The following SHISA7 variants were observed in gnomAD, a reference collection of about 807,000 sequenced individuals.
SHISA7 encodes the protein protein shisa-7.
In SHISA7, 6 loss-of-function variants were observed where a neutral mutation model predicts 23.9. The ratio of observed to expected loss-of-function variants is 0.25; its 90% CI spans 0.14 to 0.50. The LOEUF (loss-of-function observed/expected upper bound fraction) is 0.50, where lower values mean the gene tolerates loss of function less well. Ranked by LOEUF, SHISA7 falls within the 20% of genes least tolerant of loss-of-function variation. SHISA7 has a pLI of 0.98. For missense variants in SHISA7, 671 were observed against 801.1 expected (o/e 0.84, Z 1.96); for synonymous variants, 386 against 398.3 (o/e 0.97, Z 0.37).
At chr19:55,434,576 G>GGT (rs1241670006) in intron 3 of SHISA7, among the ~76,000 whole-genome samples, 2 of 101,800 alleles carry the variant, frequency 2.0e-5, no homozygotes, top group East Asian at 3.1e-4. Flanking sequence ...GTGTGTGTAT[G>GGT]GTGTGTGTGT....
In SHISA7 at chr19:55,438,887, C is replaced by T. The variant is rs993011358; in HGVS notation, c.827-1133G>A. Among the ~76,000 whole-genome samples the T allele has an allele frequency of 2.0e-5, 3 of 152,036 alleles. No homozygotes were observed. In the East Asian group the frequency reaches 5.8e-4, roughly 29 times the overall value. Reference sequence around the variant, plus strand: ...TTCTTAGCACCCCCCCCCCTGGTGCCCAGGCTAGAGATCTGAGGGGGTCGC... The same window carrying T: ...TTCTTAGCACCCCCCCCCCTGGTGCTCAGGCTAGAGATCTGAGGGGGTCGC... On this transcript the variant is annotated intron_variant, in intron 2 of 3. Transcript: ENST00000376325.
chr19:55,438,530 C>G (rs898365673), intron 2 of SHISA7: 3 of 1,303,718 alleles, frequency 2.3e-6, no homozygotes, highest in South Asian at 2.5e-5. Flanking sequence ...AGGAGGCCTG[C>G]TCTTTTCCGC....
chr19:55,435,766 T>TA (rs771028711), intron 3 of SHISA7, among the ~76,000 whole-genome samples: 1,551 of 130,426 alleles, frequency 0.012, 18 homozygotes, highest in East Asian at 0.026. Flanking sequence ...CTTGTCTCGT[T>TA]AAAAAAAAAA....
At chr19:55,441,671 G>T (rs1407253366) in intron 1 of SHISA7, among the ~76,000 whole-genome samples, 1 of 152,316 alleles carries the variant, frequency 6.6e-6, no homozygotes, top group Non-Finnish European at 1.5e-5. Context: ...CACTGCACAT[G>T]CTTACGGACT....
In SHISA7 at chr19:55,432,891, C is replaced by T. The variant is rs1985244256; in HGVS notation, c.*265G>A. 1 of 465,076 alleles carries T rather than the reference C, an allele frequency of 2.2e-6. No individual in the cohort carries two copies. The highest frequency in any genetic ancestry group is 2.1e-5 in the African/African-American group (1 of 47,660). 28.8% of individuals were successfully genotyped at this position (465,076 alleles called of 1,614,324 possible). ...AGGCTTTGTCCCTGTGATGACATCA[C>T]AGAACACAGACATTTTTGCTAGTGA... On this transcript the variant is annotated 3_prime_UTR_variant, in exon 4 of 4. Coordinates refer to ENST00000376325, the MANE Select transcript of SHISA7 (RefSeq NM_001145176.2). This position sits in a 1 kb window ranked among gnomAD's most constrained non-coding sequence, Gnocchi z 4.6.
intron 3 of SHISA7, among the ~76,000 whole-genome samples, chr19:55,436,148 G>T (rs866112431): frequency 1.3e-5 from 2 of 151,648 alleles, no homozygotes. Context: ...TTAGCCAGGA[G>T]TGGTGGCATG....
chr19:55,442,337 C>T lies in SHISA7; in HGVS notation c.527G>A (p.Arg176His). The stretch of plus-strand genomic sequence containing the variant: ...GCTGCCCCCGGGGCCCTCGCCCCCG[C>T]GGCCCCCGGCACCCCCAGTCCGGCC... ...EGGRTGGAGG[R>H]GGEGPGGSTA... The change falls in exon 1 of 4, where the codon CGC (arginine) becomes CAC (histidine). Residue 176 changes from arginine to histidine, a missense_variant. Physicochemically the swap from Arg to His is conservative, Grantham distance 29. Transcript: ENST00000376325. 6.8e-7 allele frequency: 1 copy of T among 1,477,058 alleles called. No homozygotes were observed. Among genetic ancestry groups the T allele is most frequent in the Non-Finnish European group, 8.9e-7 (1 of 1,120,696 alleles). The allele number at this position is 1,477,058 out of a possible 1,614,324, so 91.5% of individuals were successfully genotyped here.
chr19:55,440,694 A>C lies in SHISA7; in HGVS notation c.743T>G (p.Leu248Arg). 8.0e-7 allele frequency: 1 copy of C among 1,249,594 alleles called. No individual in the cohort carries two copies. Among genetic ancestry groups the C allele is most frequent in the Non-Finnish European group, 1.0e-6 (1 of 988,428 alleles). 77.4% of individuals were successfully genotyped at this position (1,249,594 alleles called of 1,614,324 possible). A position where few individuals can be genotyped will look rare whatever the true frequency, so the allele number is the denominator to read the frequency against. The change falls in exon 2 of 4, where the codon CTG becomes CGG. Residue 248 changes from leucine (L) to arginine (R), a missense_variant. By Grantham distance (102) the Leu-to-Arg change is moderately radical. This residue lies in a region of SHISA7 where 457 missense variants were observed against 488.3 expected (regional missense o/e 0.94). Coordinates refer to ENST00000376325, the MANE Select transcript of SHISA7 (RefSeq NM_001145176.2). ...GTCGGGACCGCCGATCCCCGGGGTC[A>C]GGGAGCTGCTTCGGGCCCGGTCCGG... ...TRPDRARSSS[L>R]TPGIGGPDSM...
intron 1 of SHISA7, 86 bp from the exon 2 acceptor site, chr19:55,440,851 G>C (rs1431869691): frequency 8.5e-7 from 1 of 1,177,846 alleles, no homozygotes. Context: ...CCCTGCTCTC[G>C]CCCTTGGGTA....
intron 3 of SHISA7, among the ~76,000 whole-genome samples, chr19:55,435,398 T>TGGTGTGTGTGTGTGG (rs1985432182): frequency 1.2e-5 from 1 of 80,008 alleles, no homozygotes; most frequent in Admixed American, 1.7e-4. Flanking sequence ...TGTGTGTGTG[T>TGGTGTGTGTGTGTGG]GGGTGTGTGT....
chr19:55,435,787 A>G (rs1985445647), intron 3 of SHISA7, among the ~76,000 whole-genome samples: 1 of 150,216 alleles, frequency 6.7e-6, no homozygotes, highest in African/African-American at 2.4e-5. Flanking sequence ...AAAAGGATCC[A>G]CCAAAAAGTG....
Position 55,433,852 on chromosome 19 carries a change from TC to T in SHISA7, c.977-57del. ...TGGGTCCCCTGCGCATCTAGAGCCC[TC>T]CCCCTCCCACCTCGTCACATCCCGC... On this transcript the variant is annotated intron_variant, in intron 3 of 3. Coordinates refer to ENST00000376325, the MANE Select transcript of SHISA7 (RefSeq NM_001145176.2). The surrounding 1 kb of genome is among the most constrained non-coding windows in gnomAD (Gnocchi z 8.4). 2.2e-6 allele frequency: 3 copies of T among 1,344,200 alleles called. No homozygotes were observed. Among genetic ancestry groups the T allele is most frequent in the Non-Finnish European group, 2.9e-6 (3 of 1,052,216 alleles). The allele number at this position is 1,344,200 out of a possible 1,614,324, so 83.3% of individuals were successfully genotyped here. A position where few individuals can be genotyped will look rare whatever the true frequency, so the allele number is the denominator to read the frequency against.
rs1022152691 is a variant in SHISA7 at position 55,440,399 on chromosome 19, T to A, written c.826+212A>T. ...GCCCATGGAGCCCCACCCAGGGGGG[T>A]CCACAGGAGGGCAAGGAGAGGGTCT... is the stretch of plus-strand genomic sequence containing the variant. On this transcript the variant is annotated intron_variant, in intron 2 of 3. Transcript: ENST00000376325. 8.6e-5 allele frequency among the ~76,000 whole-genome samples: 13 copies of A among 151,744 alleles called. No individual in the cohort carries two copies. The East Asian group carries it at 2.5e-3, about 29-fold the overall frequency.
intron 1 of SHISA7, 120 bp downstream of exon 1, chr19:55,442,073 G>T: frequency 2.8e-6 from 3 of 1,056,014 alleles, no homozygotes; most frequent in South Asian, 1.8e-5. Context: ...GCCGGCGGCC[G>T]CCACCTGGGT....
chr19:55,442,314 T>TA lies in SHISA7; in HGVS notation c.549_550insT (p.Ser184Ter). On this transcript the variant is annotated frameshift_variant, in exon 1 of 4. Coordinates refer to ENST00000376325, the MANE Select transcript of SHISA7 (RefSeq NM_001145176.2). LOFTEE classifies it high-confidence loss of function. Reference sequence around the variant, plus strand: ...ACCCCGCACACGACGTAGGCTGTGCTGCCCCCGGGGCCCTCGCCCCCGCGG... The same window carrying TA: ...ACCCCGCACACGACGTAGGCTGTGCTAGCCCCCGGGGCCCTCGCCCCCGCGG... 6.6e-7 allele frequency: 1 copy of TA among 1,512,016 alleles called. No individual in the cohort carries two copies. Among genetic ancestry groups the TA allele is most frequent in the Non-Finnish European group, 8.8e-7 (1 of 1,136,348 alleles). The allele number at this position is 1,512,016 out of a possible 1,614,324, so 93.7% of individuals were successfully genotyped here.
In SHISA7 at chr19:55,433,316, G is replaced by A. The variant is rs532701898; in HGVS notation, c.1457C>T (p.Pro486Leu). The change falls in exon 4 of 4, where the codon CCG (proline) becomes CTG (leucine). Residue 486 changes from proline (P) to leucine (L), a missense_variant. Around this residue, in one of 5 missense-constraint regions of SHISA7, gnomAD observed 457 missense variants for 488.3 expected, o/e 0.94. Coordinates refer to ENST00000376325, the MANE Select transcript of SHISA7 (RefSeq NM_001145176.2). This position sits in a 1 kb window ranked among gnomAD's most constrained non-coding sequence, Gnocchi z 8.4. ...GGCGTCGGACATCCAGGCCGGCTGC[G>A]GCGAGCCGTGCAGGGCGTGGTGGTG... ...AHHHHALHGSPQPAWMSDAGG... is the reference protein window; with the variant it reads ...AHHHHALHGSLQPAWMSDAGG... 8 of 1,482,772 alleles carry A rather than the reference G, an allele frequency of 5.4e-6. No homozygotes were observed. Among genetic ancestry groups the A allele is most frequent in the African/African-American group, 2.9e-5 (2 of 68,392 alleles). 91.9% of individuals were successfully genotyped at this position (1,482,772 alleles called of 1,614,324 possible). A position where few individuals can be genotyped will look rare whatever the true frequency, so the allele number is the denominator to read the frequency against.
chr19:55,437,219 C>G (rs1985484806), intron 3 of SHISA7, among the ~76,000 whole-genome samples: 2 of 152,174 alleles, frequency 1.3e-5, no homozygotes, highest in Admixed American at 6.5e-5. Context: ...GAAAATGAGG[C>G]CCGCCGGTGG....
At position 55,440,681 on chromosome 19, in the gene SHISA7, G is replaced by A; in HGVS notation, c.756C>T (p.Ile252=). 8.0e-7 allele frequency: 1 copy of A among 1,249,692 alleles called. No homozygotes were observed. Among genetic ancestry groups the A allele is most frequent in the Non-Finnish European group, 1.0e-6 (1 of 988,370 alleles). 77.4% of individuals were successfully genotyped at this position (1,249,692 alleles called of 1,614,324 possible). A position where few individuals can be genotyped will look rare whatever the true frequency, so the allele number is the denominator to read the frequency against. ...TGGGGGGCATGCTGTCGGGACCGCC[G>A]ATCCCCGGGGTCAGGGAGCTGCTTC... ...RARSSSLTPG[I]GGPDSMPPRT... is the part of the protein sequence containing the mutation. The change falls in exon 2 of 4, where the codon ATC becomes ATT. Residue 252 remains isoleucine (I), a synonymous_variant. Coordinates refer to ENST00000376325, the MANE Select transcript of SHISA7 (RefSeq NM_001145176.2).
In SHISA7 at chr19:55,443,127, G is replaced by C. The variant is rs928330124; in HGVS notation, c.-264C>G. On this transcript the variant is annotated 5_prime_UTR_variant, in exon 1 of 4. Coordinates refer to ENST00000376325, the MANE Select transcript of SHISA7 (RefSeq NM_001145176.2). ...GCGACGATGGGAGAGTAATGGAAAC[G>C]CGCCCGGGCACGGCTGGGGGAGAGA... 1.3e-5 allele frequency among the ~76,000 whole-genome samples: 2 copies of C among 151,662 alleles called. No individual in the cohort carries two copies. Among genetic ancestry groups the C allele is most frequent in the African/African-American group, 4.8e-5 (2 of 41,312 alleles).
Sources: allele counts gnomAD v4.1 joint callset (sites outside exome capture counted in the v4.1 genomes callset), GRCh38; gene constraint gnomAD v4.1.1; regional missense constraint gnomAD v4.1.1; non-coding constraint Gnocchi (gnomAD v3.1); transcripts MANE v1.5; gene names NCBI Gene and HGNC (gene_info 2026-07-23, HGNC 2026-07-21).